The following DHRS7B variants were observed in gnomAD, a reference collection of about 807,000 sequenced individuals.
The protein encoded by DHRS7B is dehydrogenase/reductase 7B, also known as peroxisomal reductase activating PPAR-gamma.
Under a neutral mutation model 26.4 loss-of-function variants are expected in DHRS7B, and 24 were observed. That is an observed-to-expected ratio of 0.91 (90% CI 0.66 to 1.28). The LOEUF (loss-of-function observed/expected upper bound fraction) is 1.28, where lower values mean the gene tolerates loss of function less well. Ranked by LOEUF, DHRS7B falls within the 50% of genes most tolerant of loss-of-function variation. The probability of loss-of-function intolerance (pLI) is 0.00; values close to 1 mark genes in which losing one functional copy is unlikely to be tolerated. For missense variants in DHRS7B, 368 were observed against 419.4 expected, an observed-to-expected ratio of 0.88 and a Z score of 1.07; for synonymous variants, 142 against 166.4, an observed-to-expected ratio of 0.85 and a Z score of 1.13.
intron 1 of DHRS7B, among the ~76,000 whole-genome samples, chr17:21,146,769 A>T (rs1973651991): frequency 1.3e-5 from 2 of 152,234 alleles, no homozygotes; most frequent in Non-Finnish European, 2.9e-5. Flanking sequence ...GTGGTTTCTT[A>T]CTGAATAAGA....
chr17:21,172,228 G>C lies in DHRS7B; in HGVS notation c.199+32G>C, dbSNP rs755319728. 2.1e-5 allele frequency: 33 copies of C among 1,586,128 alleles called. No homozygotes were observed. The Admixed American group carries it at 5.4e-4, about 26-fold the overall frequency. ...CCTGGAGGCAGTGCTGCCAGGGGGCGGGGGTAAGTCAGCCAGGGATGAGGA... is the reference window on the plus strand; with the variant it reads ...CCTGGAGGCAGTGCTGCCAGGGGGCCGGGGTAAGTCAGCCAGGGATGAGGA... On this transcript the variant is annotated intron_variant, in intron 2 of 6. Coordinates refer to ENST00000395511, the MANE Select transcript of DHRS7B (RefSeq NM_015510.5).
chr17:21,184,655 G>A (rs1018800899), intron 5 of DHRS7B, among the ~76,000 whole-genome samples, 192 bp downstream of exon 5: 24 of 152,276 alleles, frequency 1.6e-4, no homozygotes, highest in African/African-American at 5.3e-4. Flanking sequence ...TCCCCTGTGT[G>A]ACCTTGGGCA....
chr17:21,127,144 C>A, intron 1 of DHRS7B, 153 bp downstream of exon 1: 1 of 765,814 alleles, frequency 1.3e-6, no homozygotes, highest in Non-Finnish European at 1.9e-6. Flanking sequence ...CGACGCCGAA[C>A]TCTGAAGGAA....
In DHRS7B at chr17:21,183,610, C is replaced by T. The variant is rs770787003; in HGVS notation, c.326C>T (p.Pro109Leu). Residue 109 changes from proline to leucine, a missense_variant, in exon 4 of 7, where the codon CCT becomes CTT. Pro to Leu is a moderately conservative substitution (Grantham distance 98). Coordinates refer to ENST00000395511, the MANE Select transcript of DHRS7B (RefSeq NM_015510.5). ...SHATKVQTHK[P>L]YLVTFDLTDS... is the part of the protein sequence containing the mutation. ...TTTGACCAGGTGCAGACACACAAGC[C>T]TTACTTGGTGACCTTCGACCTCACA... 1 of 1,613,210 alleles carries T rather than the reference C, an allele frequency of 6.2e-7. No homozygotes were observed. The highest frequency in any genetic ancestry group is 8.5e-7 in the Non-Finnish European group (1 of 1,180,034).
intron 5 of DHRS7B, among the ~76,000 whole-genome samples, chr17:21,185,998 A>G (rs1363120197): frequency 6.6e-6 from 1 of 152,124 alleles, no homozygotes; most frequent in Non-Finnish European, 1.5e-5. Flanking sequence ...GGAGTTCTTT[A>G]TACTAAATTA....
chr17:21,160,053 C>T (rs1324845461), intron 1 of DHRS7B, among the ~76,000 whole-genome samples: 1 of 151,964 alleles, frequency 6.6e-6, no homozygotes, highest in African/African-American at 2.4e-5. Flanking sequence ...AACCCTGTCT[C>T]TACTAAAAAT....
At chr17:21,184,710 A>G (rs977753067) in intron 5 of DHRS7B, among the ~76,000 whole-genome samples, 2 of 152,186 alleles carry the variant, frequency 1.3e-5, no homozygotes, top group Admixed American at 1.3e-4. Context: ...GTAAATGGAG[A>G]CAGCCTCAGT....
At chr17:21,185,749 G>GCGATCT (rs967156459) in intron 5 of DHRS7B, among the ~76,000 whole-genome samples, 2 of 151,748 alleles carry the variant, frequency 1.3e-5, no homozygotes, top group Non-Finnish European at 2.9e-5. Flanking sequence ...GTGCAGTAGT[G>GCGATCT]CGATCTCGGC....
chr17:21,149,197 C>A (rs956539893), intron 1 of DHRS7B, among the ~76,000 whole-genome samples: 1 of 151,290 alleles, frequency 6.6e-6, no homozygotes, highest in African/African-American at 2.4e-5. Flanking sequence ...AGGTATGGAA[C>A]GATATTTTCA....
intron 1 of DHRS7B, among the ~76,000 whole-genome samples, chr17:21,132,530 C>CAAAAAAAA (rs34728939): frequency 1.2e-5 from 1 of 81,694 alleles, no homozygotes; most frequent in Non-Finnish European, 2.1e-5. Context: ...GACCTTGTCT[C>CAAAAAAAA]AAAAAAAAAA....
chr17:21,131,704 T>C (rs1028515860), intron 1 of DHRS7B, among the ~76,000 whole-genome samples: 10 of 152,242 alleles, frequency 6.6e-5, no homozygotes, highest in African/African-American at 2.4e-4. Context: ...AGATGACTGA[T>C]AAATTGATTG....
chr17:21,172,937 C>T (rs1045195998), intron 2 of DHRS7B, among the ~76,000 whole-genome samples: 3 of 152,232 alleles, frequency 2.0e-5, no homozygotes, highest in Non-Finnish European at 1.5e-5. Context: ...TGACTTGGCA[C>T]GTTGCACATG....
At chr17:21,149,576 T>C (rs1031330614) in intron 1 of DHRS7B, among the ~76,000 whole-genome samples, 2 of 152,156 alleles carry the variant, frequency 1.3e-5, no homozygotes, top group African/African-American at 2.4e-5. Flanking sequence ...GTAGATAATA[T>C]AAAATTATGT....
chr17:21,173,293 C>T (rs996653613), intron 2 of DHRS7B, among the ~76,000 whole-genome samples: 1 of 152,248 alleles, frequency 6.6e-6, no homozygotes, highest in Admixed American at 6.5e-5. Flanking sequence ...AGCACTTTTA[C>T]ATGCATGATC....
intron 1 of DHRS7B, among the ~76,000 whole-genome samples, chr17:21,140,199 A>G (rs1973463707): frequency 6.6e-6 from 1 of 151,232 alleles, no homozygotes; most frequent in Non-Finnish European, 1.5e-5. Flanking sequence ...AATTTTTTGT[A>G]TATTTAGTAA....
chr17:21,190,913 A>G (rs1334431426), intron 6 of DHRS7B, 35 bp from the exon 7 acceptor site: 2 of 1,609,332 alleles, frequency 1.2e-6, no homozygotes, highest in Admixed American at 1.7e-5. Flanking sequence ...CTCTGCTTCC[A>G]AGTTCATGTG....
At chr17:21,166,186 C>T in intron 1 of DHRS7B, 2 of 985,474 alleles carry the variant, frequency 2.0e-6, no homozygotes, top group Non-Finnish European at 2.4e-6. Context: ...GAGCAGAGCT[C>T]ACTTCAATGT....
At chr17:21,141,809 T>C (rs1387728860) in intron 1 of DHRS7B, among the ~76,000 whole-genome samples, 1 of 151,918 alleles carries the variant, frequency 6.6e-6, no homozygotes, top group Non-Finnish European at 1.5e-5. Flanking sequence ...GATCAGGGAT[T>C]CTCTGGAAGG....
intron 1 of DHRS7B, among the ~76,000 whole-genome samples, chr17:21,144,374 C>T (rs1973595075): frequency 6.6e-6 from 1 of 152,116 alleles, no homozygotes; most frequent in Admixed American, 6.6e-5. Flanking sequence ...CATTTTTACT[C>T]CAAATAAGTT....
Sources: gnomAD v4.1 joint callset for allele counts (sites outside exome capture counted in the v4.1 genomes callset) on GRCh38, gnomAD v4.1.1 for gene constraint, MANE v1.5 for transcripts, NCBI Gene and HGNC (gene_info 2026-07-23, HGNC 2026-07-21) for gene names.